The following SGSM1 variants were observed in gnomAD, a reference collection of about 807,000 sequenced individuals.
The protein encoded by SGSM1 is small G protein signaling modulator 1, also known as RUN and TBC1 domain containing 2.
SGSM1 carries 73 observed loss-of-function variants against 133.8 expected under a neutral mutation model. That is an observed-to-expected ratio of 0.55 (90% CI 0.45 to 0.66). The LOEUF is 0.66. Among genes scored for constraint, SGSM1 ranks in the 30% least tolerant of loss-of-function variants. The pLI is 0.00. For synonymous variants in SGSM1, 563 were observed against 573.0 expected, an observed-to-expected ratio of 0.98 and a Z score of 0.25; for missense variants, 1,213 against 1,448.1, an observed-to-expected ratio of 0.84 and a Z score of 2.64.
At chr22:24,900,340 CTTCT>C (rs201367603) in intron 19 of SGSM1, among the ~76,000 whole-genome samples, 14,237 of 125,344 alleles carry the variant, frequency 0.11, 960 homozygotes, top group Non-Finnish European at 0.14. Context: ...TTGTTAACCT[CTTCT>C]TTCTTTCTTT....
chr22:24,818,341 C>A (rs893148310), intron 2 of SGSM1, among the ~76,000 whole-genome samples: 2 of 152,110 alleles, frequency 1.3e-5, no homozygotes, highest in Non-Finnish European at 1.5e-5. Flanking sequence ...CCTCCTAATA[C>A]CACCACTTTG....
rs1481551198 is a variant in SGSM1, at chr22:24,927,507, C to T, written c.*3233C>T. 1.3e-5 allele frequency: 2 copies of T among 152,206 alleles called. No homozygotes were observed. Among genetic ancestry groups the T allele is most frequent in the Admixed American group, 1.3e-4 (2 of 15,274 alleles). The allele number at this position is 152,206 out of a possible 1,614,324, so 9.4% of individuals were successfully genotyped here. A position where few individuals can be genotyped will look rare whatever the true frequency, so the allele number is the denominator to read the frequency against. ...AAGGAGCATGGGCCAGGCACAGTGG[C>T]TTACCCCTGTAATCCCAGCACTTTG... On this transcript the variant is annotated 3_prime_UTR_variant, in exon 25 of 25. Coordinates refer to ENST00000400358, the MANE Select transcript of SGSM1 (RefSeq NM_001098497.3).
chr22:24,915,257 C>T (rs1034781949), intron 22 of SGSM1, among the ~76,000 whole-genome samples: 1 of 139,554 alleles, frequency 7.2e-6, no homozygotes, highest in Non-Finnish European at 1.5e-5. Flanking sequence ...AATAAATAAA[C>T]AAACAGCGCT....
intron 12 of SGSM1, among the ~76,000 whole-genome samples, chr22:24,869,162 G>A (rs956361042): frequency 6.6e-6 from 1 of 152,134 alleles, no homozygotes; most frequent in Admixed American, 6.5e-5. Context: ...TTCCTCATCT[G>A]TAAAATGGGC....
At chr22:24,870,405 G>A (rs1040139742) in intron 12 of SGSM1, among the ~76,000 whole-genome samples, 5 of 152,238 alleles carry the variant, frequency 3.3e-5, no homozygotes, top group African/African-American at 9.6e-5. Context: ...GAGAGGGCCA[G>A]ATCCTCTATA....
Position 24,847,575 on chromosome 22 carries a change from A to G in SGSM1, c.140-59A>G, listed in dbSNP as rs566568852. The G allele has an allele frequency of 9.7e-5, 153 of 1,572,924 alleles. No individual in the cohort carries two copies. The South Asian group carries it at 1.7e-3, about 17-fold the overall frequency. ...CAGTGTCTGACAGAAGCTCTGGGAC[A>G]TGCTGGGTGCTGGAGTGCATGGGCA... On this transcript the variant is annotated intron_variant, in intron 3 of 24. Transcript: ENST00000400358.
chr22:24,824,668 A>AT (rs1161320485), intron 2 of SGSM1, among the ~76,000 whole-genome samples: 2 of 151,842 alleles, frequency 1.3e-5, no homozygotes, highest in Admixed American at 6.6e-5. Flanking sequence ...GTCACGGGCG[A>AT]TTTTTTTCTC....
chr22:24,837,588 CCCCTT>C (rs1929526706), intron 2 of SGSM1, among the ~76,000 whole-genome samples: 8 of 139,262 alleles, frequency 5.7e-5, no homozygotes, highest in Non-Finnish European at 7.6e-5. Flanking sequence ...ACCCCCCCCC[CCCCTT>C]TCCCAGTCTG....
intron 12 of SGSM1, among the ~76,000 whole-genome samples, chr22:24,869,098 C>A (rs994979058): frequency 2.0e-5 from 3 of 152,152 alleles, no homozygotes; most frequent in African/African-American, 7.2e-5. Context: ...ATGGCATAGG[C>A]TCTGGAATCC....
intron 12 of SGSM1, among the ~76,000 whole-genome samples, chr22:24,871,027 T>G (rs1030431624): frequency 6.6e-5 from 10 of 152,230 alleles, no homozygotes; most frequent in Non-Finnish European, 1.3e-4. Flanking sequence ...CTAATTCAGT[T>G]TATCTAGAAT....
Position 24,867,086 on chromosome 22 carries a change from CT to C in SGSM1, c.927-5del. 1 of 1,613,370 alleles carries C rather than the reference CT, an allele frequency of 6.2e-7. No homozygotes were observed. Among genetic ancestry groups the C allele is most frequent in the Non-Finnish European group, 8.5e-7 (1 of 1,179,742 alleles). ...TCCTGCAAGCCTGACCCTCCGTCCGCTTCCAGCGTCTACTGGGACTATGCCA... is the reference window on the plus strand; with the variant it reads ...TCCTGCAAGCCTGACCCTCCGTCCGCTCCAGCGTCTACTGGGACTATGCCA... On this transcript the variant is annotated splice_region_variant and splice_polypyrimidine_tract_variant and intron_variant, in intron 9 of 24. Transcript: ENST00000400358.
At chr22:24,818,842 T>C (rs929645256) in intron 2 of SGSM1, among the ~76,000 whole-genome samples, 4 of 151,836 alleles carry the variant, frequency 2.6e-5, no homozygotes, top group African/African-American at 9.7e-5. Context: ...AATAATAGCT[T>C]TCTGATAAAA....
intron 2 of SGSM1, among the ~76,000 whole-genome samples, chr22:24,811,633 A>G (rs1477228151): frequency 1.3e-5 from 2 of 152,104 alleles, no homozygotes; most frequent in African/African-American, 2.4e-5. Flanking sequence ...TGGGAGGCCA[A>G]GGTGGGATGA....
intron 12 of SGSM1, among the ~76,000 whole-genome samples, chr22:24,869,599 T>C (rs911775034): frequency 2.6e-5 from 4 of 152,210 alleles, no homozygotes; most frequent in Admixed American, 2.0e-4. Context: ...GTTGCTGCTG[T>C]TGTTAATATT....
At chr22:24,826,006 C>T (rs1928781064) in intron 2 of SGSM1, among the ~76,000 whole-genome samples, 1 of 149,674 alleles carries the variant, frequency 6.7e-6, no homozygotes, top group Non-Finnish European at 1.5e-5. Flanking sequence ...CTACTGTGTG[C>T]CACAAGCACT....
chr22:24,823,513 A>G (rs1032107729), intron 2 of SGSM1, among the ~76,000 whole-genome samples: 2 of 152,158 alleles, frequency 1.3e-5, no homozygotes, highest in African/African-American at 4.8e-5. Flanking sequence ...AGGCAGGAGA[A>G]TGACGGGAAC....
At chr22:24,822,216 G>A (rs1008079139) in intron 2 of SGSM1, among the ~76,000 whole-genome samples, 16 of 148,262 alleles carry the variant, frequency 1.1e-4, no homozygotes, top group African/African-American at 3.2e-4. Flanking sequence ...TCAGCCTCCC[G>A]AGTAGCTGGG....
intron 2 of SGSM1, among the ~76,000 whole-genome samples, chr22:24,815,824 G>A (rs1429495872): frequency 6.6e-6 from 1 of 152,138 alleles, no homozygotes; most frequent in African/African-American, 2.4e-5. Context: ...GTCATGCTGG[G>A]TAAGGGGTGT....
At chr22:24,875,323 A>G (rs2058034493) in intron 12 of SGSM1, among the ~76,000 whole-genome samples, 1 of 152,244 alleles carries the variant, frequency 6.6e-6, no homozygotes. Flanking sequence ...ATTTTGTGAC[A>G]TGAAAATGAT....
Sources: gnomAD v4.1 joint callset for allele counts (sites outside exome capture counted in the v4.1 genomes callset) on GRCh38, gnomAD v4.1.1 for gene constraint, MANE v1.5 for transcripts, NCBI Gene and HGNC (gene_info 2026-07-23, HGNC 2026-07-21) for gene names.